Variants in TANK observed in about 807,000 individuals in gnomAD.
TANK encodes TRAF family member-associated NF-kappa-B activator.
A neutral mutation model predicts 43.6 loss-of-function variants in TANK; 15 were observed. That is an observed-to-expected ratio of 0.34 (90% CI 0.23 to 0.53). The LOEUF (loss-of-function observed/expected upper bound fraction) is 0.53. Among genes scored for constraint, TANK ranks in the 20% least tolerant of loss-of-function variants. The pLI, the probability that TANK is intolerant of heterozygous loss-of-function variation, is 0.94. For missense variants in TANK, 417 were observed against 498.6 expected (o/e 0.84, Z 1.56); for synonymous variants, 162 against 178.2 (o/e 0.91, Z 0.73).
chr2:161,229,357 A>G (rs919359479), intron 6 of TANK, among the ~76,000 whole-genome samples: 2 of 152,214 alleles, frequency 1.3e-5, no homozygotes, highest in African/African-American at 2.4e-5. Context: ...AGAGCCATCA[A>G]AAGATTTTAT....
chr2:161,158,018 C>A (rs989530332), upstream of TANK, among the ~76,000 whole-genome samples: 5 of 151,996 alleles, frequency 3.3e-5, no homozygotes, highest in Non-Finnish European at 5.9e-5. Flanking sequence ...CCTGCAATTC[C>A]CTCATTTTCT....
chr2:161,213,892 A>G (rs1049463703), intron 4 of TANK, among the ~76,000 whole-genome samples: 1 of 152,322 alleles, frequency 6.6e-6, no homozygotes, highest in South Asian at 2.1e-4. Context: ...TTTCTGCTAC[A>G]TTAAAAGCTG....
chr2:161,183,210 C>A lies in TANK; in HGVS notation c.99+3449C>A, dbSNP rs760936615. On this transcript the variant is annotated intron_variant, in intron 2 of 7. Transcript: ENST00000392749. ...CATTGTTATTCTTTGTGAGTCTCCT[C>A]TTGGTTTACAAAAGAATACTCCATT... is the stretch of plus-strand genomic sequence containing the variant. 8.5e-5 allele frequency among the ~76,000 whole-genome samples: 13 copies of A among 152,128 alleles called. 1 individual carries two copies. The highest frequency in any genetic ancestry group is 1.6e-4 in the Non-Finnish European group (11 of 68,028).
intron 4 of TANK, among the ~76,000 whole-genome samples, chr2:161,215,918 A>AT (rs1217992964): frequency 6.6e-6 from 1 of 152,124 alleles, no homozygotes; most frequent in African/African-American, 2.4e-5. Flanking sequence ...GCTCTAAGCT[A>AT]TATATCTTAG....
chr2:161,156,037 G>C, upstream of TANK: 19 of 978,632 alleles, frequency 1.9e-5, no homozygotes, highest in Non-Finnish European at 2.3e-5. Context: ...AACACATTGA[G>C]TCCTTTTCAT....
At chr2:161,173,023 C>G (rs1476283192) in intron 1 of TANK, among the ~76,000 whole-genome samples, 2 of 152,116 alleles carry the variant, frequency 1.3e-5, no homozygotes, top group Admixed American at 1.3e-4. Context: ...TCTCATTACT[C>G]CTTGTGTCAA....
intron 1 of TANK, among the ~76,000 whole-genome samples, chr2:161,168,796 G>A (rs1684812924): frequency 6.6e-6 from 1 of 152,180 alleles, no homozygotes; most frequent in Non-Finnish European, 1.5e-5. Context: ...TCACACCATT[G>A]CACTCCAGCC....
chr2:161,219,362 T>C (rs1188559608), intron 4 of TANK, among the ~76,000 whole-genome samples: 1 of 152,184 alleles, frequency 6.6e-6, no homozygotes, highest in Non-Finnish European at 1.5e-5. Context: ...TCTTGCCACT[T>C]CCTTCAGAAC....
intron 1 of TANK, among the ~76,000 whole-genome samples, chr2:161,145,735 C>T (rs534058255): frequency 3.9e-5 from 6 of 151,972 alleles, no homozygotes; most frequent in Non-Finnish European, 8.8e-5. Flanking sequence ...CCTGGCCTTA[C>T]TCCCCAGCTG....
chr2:161,140,375 C>T (rs1192036056), intron 1 of TANK, among the ~76,000 whole-genome samples: 1 of 152,018 alleles, frequency 6.6e-6, no homozygotes, highest in Non-Finnish European at 1.5e-5. Context: ...AAAAATTTTT[C>T]AAATATATTG....
intron 1 of TANK, among the ~76,000 whole-genome samples, chr2:161,169,361 T>C (rs569418338): frequency 6.6e-6 from 1 of 152,318 alleles, no homozygotes; most frequent in South Asian, 2.1e-4. Context: ...AGGAAAAGTA[T>C]CCATGGTATT....
intron 4 of TANK, chr2:161,219,701 T>C: frequency 2.2e-6 from 1 of 446,666 alleles, no homozygotes; most frequent in Non-Finnish European, 4.5e-6. Flanking sequence ...CTCAGCCCTT[T>C]TTTCACTTTC....
At chr2:161,234,065 C>G (rs1688055241) in intron 7 of TANK, among the ~76,000 whole-genome samples, 1 of 152,100 alleles carries the variant, frequency 6.6e-6, no homozygotes, top group Non-Finnish European at 1.5e-5. Flanking sequence ...TATAAGTCCT[C>G]CATACTGATA....
chr2:161,223,320 T>C (rs749324806), intron 4 of TANK: 2 of 152,064 alleles, frequency 1.3e-5, no homozygotes. Context: ...GTAATACCAG[T>C]GTAAGCCACA....
intron 1 of TANK, among the ~76,000 whole-genome samples, chr2:161,172,292 T>TGGTACAATAATGC (rs1299977885): frequency 6.6e-6 from 1 of 151,830 alleles, no homozygotes; most frequent in Admixed American, 6.6e-5. Context: ...TGCTATAAGG[T>TGGTACAATAATGC]GGTACAATAA....
Position 161,235,402 on chromosome 2 carries a change from T to A in TANK, c.1162T>A (p.Ser388Thr). ...CTCGGTGGTACTAAGTGGCACAGAC[T>A]CAGAACTGCATATACCTCGAGTATG... ...SDSVVLSGTD[S>T]ELHIPRVCEF... is the part of the protein sequence containing the mutation. Residue 388 changes from serine (S) to threonine (T), a missense_variant, in exon 8 of 8, where the codon TCA becomes ACA. By Grantham distance (58) the Ser-to-Thr change is moderately conservative (BLOSUM62 1). Transcript: ENST00000392749. 6.2e-7 allele frequency: 1 copy of A among 1,613,618 alleles called. No individual in the cohort carries two copies. Among genetic ancestry groups the A allele is most frequent in the Non-Finnish European group, 8.5e-7 (1 of 1,179,770 alleles).
chr2:161,148,765 G>T (rs1202133607), intron 1 of TANK, among the ~76,000 whole-genome samples: 3 of 152,100 alleles, frequency 2.0e-5, no homozygotes, highest in Non-Finnish European at 1.5e-5. Flanking sequence ...ATCATTTGTT[G>T]AAGAGACTAT....
intron 4 of TANK, 161 bp downstream of exon 4, chr2:161,204,954 A>G (rs1686582258): frequency 3.5e-6 from 5 of 1,413,904 alleles, no homozygotes; most frequent in African/African-American, 1.5e-5. Flanking sequence ...ATTTTCAAGT[A>G]AAATAAAGGC....
rs1003771025 is a variant in TANK, at chr2:161,207,505, A to C, written c.327+2712A>C. 9 of 984,524 alleles carry C rather than the reference A, an allele frequency of 9.1e-6. No homozygotes were observed. In the Admixed American group the frequency reaches 4.9e-4, roughly 54 times the overall value. 61.0% of individuals were successfully genotyped at this position (984,524 alleles called of 1,614,324 possible). A position where few individuals can be genotyped will look rare whatever the true frequency, so the allele number is the denominator to read the frequency against. ...TGTATCTCTAGCCAAAGTGCTAATGAGCACTAAACGTATAAGGGATTAAAG... is the reference window on the plus strand; with the variant it reads ...TGTATCTCTAGCCAAAGTGCTAATGCGCACTAAACGTATAAGGGATTAAAG... On this transcript the variant is annotated intron_variant, in intron 4 of 7. Coordinates refer to ENST00000392749, the MANE Select transcript of TANK (RefSeq NM_001199135.3).
Sources: gnomAD v4.1 joint callset for allele counts (sites outside exome capture counted in the v4.1 genomes callset) on GRCh38, gnomAD v4.1.1 for gene constraint, MANE v1.5 for transcripts, NCBI Gene and HGNC (gene_info 2026-07-23, HGNC 2026-07-21) for gene names.